Variants in TH observed in about 807,000 individuals in gnomAD.
The protein encoded by TH is tyrosine 3-monooxygenase.
In TH, 49 loss-of-function variants were observed where a neutral mutation model predicts 57.4. The ratio of observed to expected loss-of-function variants is 0.85; its 90% CI spans 0.68 to 1.08. The LOEUF (loss-of-function observed/expected upper bound fraction) is 1.08, where lower values mean the gene tolerates loss of function less well. TH is among the 50% of genes least tolerant of loss of function. The pLI is 0.00. For synonymous variants in TH, 330 were observed against 304.5 expected, an observed-to-expected ratio of 1.08 and a Z score of -0.87; for missense variants, 720 against 696.7, an observed-to-expected ratio of 1.03 and a Z score of -0.38.
At chr11:2,169,602 C>T in intron 2 of TH, 48 bp downstream of exon 2, 1 of 1,589,034 alleles carries the variant, frequency 6.3e-7, no homozygotes, top group Non-Finnish European at 8.6e-7. Context: ...CCACACAGCC[C>T]CACCCACAGG....
At chr11:2,168,695 G>GAAGGAGA in intron 2 of TH, 30 bp from the exon 3 acceptor site, 1 of 1,167,950 alleles carries the variant, frequency 8.6e-7, no homozygotes, top group East Asian at 4.8e-5. Context: ...AAGAGAGAGA[G>GAAGGAGA]AAGGAGAAAG....
At position 2,164,198 on chromosome 11, in the gene TH, G is replaced by T; in HGVS notation, c.*35C>A. On this transcript the variant is annotated 3_prime_UTR_variant, in exon 13 of 13. Transcript: ENST00000352909. ...AGCTCCGGGACAGTGCAGGACCAGGGGAGGTTGGGAAGGGCCCTCAGGGAC... is the reference window on the plus strand; with the variant it reads ...AGCTCCGGGACAGTGCAGGACCAGGTGAGGTTGGGAAGGGCCCTCAGGGAC... 1 of 1,429,548 alleles carries T rather than the reference G, an allele frequency of 7.0e-7. No individual in the cohort carries two copies. The allele number at this position is 1,429,548 out of a possible 1,614,324, so 88.6% of individuals were successfully genotyped here.
rs1457059111 is a variant in TH at position 2,170,704 on chromosome 11, T to A, written c.91-833A>T. ...CTCTTACTTACCCTTGGGGTGGGGGTGTAGGATGCAGCTGGGGCTGCAGTT... is the reference window on the plus strand; with the variant it reads ...CTCTTACTTACCCTTGGGGTGGGGGAGTAGGATGCAGCTGGGGCTGCAGTT... On this transcript the variant is annotated intron_variant, in intron 1 of 12. Transcript: ENST00000352909. This position sits in a 1 kb window ranked among gnomAD's most constrained non-coding sequence, Gnocchi z 6.0. The A allele has an allele frequency of 1.2e-6, 2 of 1,601,462 alleles. No individual in the cohort carries two copies. Among genetic ancestry groups the A allele is most frequent in the East Asian group, 2.3e-5 (1 of 44,416 alleles).
Position 2,164,150 on chromosome 11 carries a change from A to G in TH, c.*83T>C. On this transcript the variant is annotated 3_prime_UTR_variant, in exon 13 of 13. Transcript: ENST00000352909. ...AGGGAGGGCATGGGGGGCACCCGGG[A>G]CCCAGCCCCTCACCAGGGCCTGAGC... The G allele has an allele frequency of 8.0e-7, 1 of 1,251,958 alleles. No homozygotes were observed. The highest frequency in any genetic ancestry group is 2.6e-5 in the South Asian group (1 of 38,584). 77.6% of individuals were successfully genotyped at this position (1,251,958 alleles called of 1,614,324 possible). A position where few individuals can be genotyped will look rare whatever the true frequency, so the allele number is the denominator to read the frequency against.
intron 4 of TH, 35 bp downstream of exon 4, chr11:2,168,056 G>C (rs1313646492): frequency 8.1e-6 from 13 of 1,611,954 alleles, no homozygotes; most frequent in Non-Finnish European, 1.0e-5. Context: ...ATGTGATCAG[G>C]GGCAGGAGGC....
In TH at chr11:2,165,482, G is replaced by A. The variant is rs907718024; in HGVS notation, c.1201-117C>T. ...GGGTAGAGTCACCCCCATCTCCCCC[G>A]CCGGGCCTTCGGAGGCCTGGGATAA... On this transcript the variant is annotated intron_variant, in intron 11 of 12. Coordinates refer to ENST00000352909, the MANE Select transcript of TH (RefSeq NM_000360.4). The A allele has an allele frequency of 6.0e-5, 91 of 1,509,634 alleles. No individual in the cohort carries two copies. In the African/African-American group the frequency reaches 9.3e-4, roughly 15 times the overall value. 93.5% of individuals were successfully genotyped at this position (1,509,634 alleles called of 1,614,324 possible).
In TH at chr11:2,163,951, T is replaced by C. The variant is rs563779151; in HGVS notation, c.*282A>G. On this transcript the variant is annotated 3_prime_UTR_variant, in exon 13 of 13. Coordinates refer to ENST00000352909, the MANE Select transcript of TH (RefSeq NM_000360.4). ...GTGTAGAGACCACAGTTTCTTTTAT[T>C]GTGACGGTGATTGGGGCAGCAGACA... is the stretch of plus-strand genomic sequence containing the variant. 3.1e-5 allele frequency: 10 copies of C among 323,974 alleles called. No individual in the cohort carries two copies. Among genetic ancestry groups the C allele is most frequent in the Non-Finnish European group, 5.6e-5 (10 of 178,194 alleles). 20.1% of individuals were successfully genotyped at this position (323,974 alleles called of 1,614,324 possible).
At chr11:2,167,391 T>G (rs1475742624) in intron 6 of TH, 44 bp downstream of exon 6, 3 of 1,547,752 alleles carry the variant, frequency 1.9e-6, no homozygotes, top group Admixed American at 3.9e-5. Context: ...CCAGGAGGCA[T>G]CCCCCGGGCT....
intron 1 of TH, 108 bp from the exon 2 acceptor site, chr11:2,169,979 G>A (rs1320566427): frequency 2.6e-6 from 3 of 1,166,240 alleles, no homozygotes; most frequent in Non-Finnish European, 3.7e-6. Flanking sequence ...CAGAGGCAGG[G>A]GATGAGAGCA....
In TH at chr11:2,171,749, C is replaced by G. The variant is rs1225376055; in HGVS notation, c.38G>C (p.Gly13Ala). 1.9e-6 allele frequency: 3 copies of G among 1,612,902 alleles called. No individual in the cohort carries two copies. The highest frequency in any genetic ancestry group is 1.7e-5 in the Admixed American group (1 of 60,008). Residue 13 changes from glycine to alanine, a missense_variant, in exon 1 of 13, where the codon GGC becomes GCC. Transcript: ENST00000352909. The surrounding 1 kb of genome is among the most constrained non-coding windows in gnomAD (Gnocchi z 8.6). ...CAGCTCAGACACGGCCCTGCGGAAG[C>G]CCTTGGCCTGTGGCGTGGTGGCGTC... ...TPDATTPQAK[G>A]FRRAVSELDA...
intron 12 of TH, 106 bp from the exon 13 acceptor site, chr11:2,164,498 G>T (rs1846029684): frequency 2.3e-6 from 3 of 1,322,406 alleles, no homozygotes; most frequent in Middle Eastern, 4.7e-4. Flanking sequence ...GTGGCTCAGA[G>T]CTCCCAGGGC....
chr11:2,167,484 C>T lies in TH; in HGVS notation c.646G>A (p.Gly216Ser), dbSNP rs762304556. The T allele has an allele frequency of 1.4e-5, 22 of 1,559,098 alleles. No individual in the cohort carries two copies. In the Admixed American group the frequency reaches 1.9e-4, roughly 14 times the overall value. Residue 216 changes from glycine to serine, a missense_variant and splice_region_variant, in exon 6 of 13, where the codon GGC becomes AGC. Physicochemically the swap from Gly to Ser is moderately conservative, Grantham distance 56 (BLOSUM62 0). Coordinates refer to ENST00000352909, the MANE Select transcript of TH (RefSeq NM_000360.4). Reference protein sequence around the residue: ...IAEIAFQYRHGDPIPRVEYTA... With the variant: ...IAEIAFQYRHSDPIPRVEYTA... ...TACTCCACACGGGGAATCGGGTCGCCGCTGGGGAGGGGGCCAGTGGTCAGC... is the reference window on the plus strand; with the variant it reads ...TACTCCACACGGGGAATCGGGTCGCTGCTGGGGAGGGGGCCAGTGGTCAGC...
At position 2,164,202 on chromosome 11, in the gene TH, G is replaced by T. The variant is rs777310230; in HGVS notation, c.*31C>A. 6.3e-6 allele frequency: 9 copies of T among 1,431,106 alleles called. No individual in the cohort carries two copies. The South Asian group carries it at 1.4e-4, about 23-fold the overall frequency. The allele number at this position is 1,431,106 out of a possible 1,614,324, so 88.7% of individuals were successfully genotyped here. ...CCGGGACAGTGCAGGACCAGGGGAG[G>T]TTGGGAAGGGCCCTCAGGGACGCCG... is the stretch of plus-strand genomic sequence containing the variant. On this transcript the variant is annotated 3_prime_UTR_variant, in exon 13 of 13. Coordinates refer to ENST00000352909, the MANE Select transcript of TH (RefSeq NM_000360.4).
chr11:2,164,124 C>G lies in TH; in HGVS notation c.*109G>C, dbSNP rs886048113. On this transcript the variant is annotated 3_prime_UTR_variant, in exon 13 of 13. Transcript: ENST00000352909. ...TGCAGGGGCAGTGGGAGCCTGGCAGCAGGGAGGGCATGGGGGGCACCCGGG... is the reference window on the plus strand; with the variant it reads ...TGCAGGGGCAGTGGGAGCCTGGCAGGAGGGAGGGCATGGGGGGCACCCGGG... 2.0e-6 allele frequency: 2 copies of G among 1,010,934 alleles called. No individual in the cohort carries two copies. Among genetic ancestry groups the G allele is most frequent in the East Asian group, 6.4e-5 (2 of 31,334 alleles). The allele number at this position is 1,010,934 out of a possible 1,614,324, so 62.6% of individuals were successfully genotyped here.
Position 2,165,652 on chromosome 11 carries a change from A to G in TH, c.1200+16T>C. The G allele has an allele frequency of 6.2e-7, 1 of 1,611,972 alleles. No homozygotes were observed. The highest frequency in any genetic ancestry group is 8.5e-7 in the Non-Finnish European group (1 of 1,179,398). On this transcript the variant is annotated intron_variant, in intron 11 of 12. Coordinates refer to ENST00000352909, the MANE Select transcript of TH (RefSeq NM_000360.4). Reference sequence around the variant, plus strand: ...CTGCCCCTCTGCTGGGGGCTGCAGCAAGGAGAGACTCTCACCAGGAGCTCC... The same window carrying G: ...CTGCCCCTCTGCTGGGGGCTGCAGCGAGGAGAGACTCTCACCAGGAGCTCC...
Position 2,165,299 on chromosome 11 carries a change from G to T in TH, c.1267C>A (p.Gln423Lys). The T allele has an allele frequency of 1.2e-6, 2 of 1,612,782 alleles. No individual in the cohort carries two copies. Among genetic ancestry groups the T allele is most frequent in the Non-Finnish European group, 1.7e-6 (2 of 1,179,996 alleles). ...DPEAAAVQPY[Q>K]DQTYQSVYFV... ...TAGACTGACTGGTACGTCTGGTCTT[G>T]GTAGGGCTGCACGGCCGCAGCCTCA... Residue 423 changes from glutamine to lysine, a missense_variant, in exon 12 of 13, where the codon CAA becomes AAA. By Grantham distance (53) the Gln-to-Lys change is moderately conservative. Coordinates refer to ENST00000352909, the MANE Select transcript of TH (RefSeq NM_000360.4).
In TH at chr11:2,171,782, G is replaced by A. The variant is rs139474171; in HGVS notation, c.5C>T (p.Pro2Leu). ...CTGTGGCGTGGTGGCGTCGGGGGTG[G>A]GCATGGCTCAGTGTGGAGGTCCGGG... M[P>L]TPDATTPQAK... The change falls in exon 1 of 13, where the codon CCC (proline) becomes CTC (leucine). Residue 2 changes from proline to leucine, a missense_variant. Transcript: ENST00000352909. This position sits in a 1 kb window ranked among gnomAD's most constrained non-coding sequence, Gnocchi z 8.6. 1.4e-4 allele frequency: 230 copies of A among 1,611,720 alleles called. 2 individuals are homozygous for A. In the South Asian group the frequency reaches 2.4e-3, roughly 17 times the overall value.
In TH at chr11:2,166,933, C is replaced by A. The variant is rs773688571; in HGVS notation, c.795G>T (p.Arg265=). ...CCTCCAGCTGGGGGATATTGTCTTC[C>A]CGGTAGCCGCTGAAGCGCTCCAGCA... The part of the protein sequence containing the change: ...FALLERFSGY[R]EDNIPQLEDV... The change falls in exon 7 of 13, where the codon CGG becomes CGT. Residue 265 remains arginine (R), a synonymous_variant. Transcript: ENST00000352909. The A allele has an allele frequency of 1.2e-6, 2 of 1,601,196 alleles. No individual in the cohort carries two copies. The highest frequency in any genetic ancestry group is 1.7e-6 in the Non-Finnish European group (2 of 1,175,132).
At position 2,165,733 on chromosome 11, in the gene TH, A is replaced by G; in HGVS notation, c.1135T>C (p.Cys379Arg). The G allele has an allele frequency of 6.2e-7, 1 of 1,612,746 alleles. No homozygotes were observed. Among genetic ancestry groups the G allele is most frequent in the Non-Finnish European group, 8.5e-7 (1 of 1,179,964 alleles). ...GCCTTCACCTCCCCGTTCTGCTTACACAGCCCGAACTCCACCGTGAACCAG... is the reference window on the plus strand; with the variant it reads ...GCCTTCACCTCCCCGTTCTGCTTACGCAGCCCGAACTCCACCGTGAACCAG... Reference protein sequence around the residue: ...LYWFTVEFGLCKQNGEVKAYG... With the variant: ...LYWFTVEFGLRKQNGEVKAYG... Residue 379 changes from cysteine to arginine, a missense_variant, in exon 11 of 13, where the codon TGT (cysteine) becomes CGT (arginine). By Grantham distance (180) the Cys-to-Arg change is radical. Coordinates refer to ENST00000352909, the MANE Select transcript of TH (RefSeq NM_000360.4).
Sources: gnomAD v4.1 joint callset for allele counts on GRCh38, gnomAD v4.1.1 for gene constraint, Gnocchi (gnomAD v3.1) non-coding constraint, MANE v1.5 for transcripts, NCBI Gene and HGNC (gene_info 2026-07-23, HGNC 2026-07-21) for gene names.